The following OLFM3 variants were observed in gnomAD, a reference collection of about 807,000 sequenced individuals.
OLFM3 encodes noelin-3.
In OLFM3, 20 loss-of-function variants were observed where a neutral mutation model predicts 48.6. The observed-to-expected ratio is 0.41, with a 90% confidence interval of 0.29 to 0.60. OLFM3 has a LOEUF of 0.60. OLFM3 is among the 20% of genes least tolerant of loss of function. The probability of loss-of-function intolerance (pLI) is 0.28; values close to 1 mark genes in which losing one functional copy is unlikely to be tolerated. For missense variants in OLFM3, 437 were observed against 544.3 expected (o/e 0.80, Z 1.96); for synonymous variants, 222 against 198.1 (o/e 1.12, Z -1.01).
At chr1:101,864,673 C>A (rs1339766903) in intron 1 of OLFM3, among the ~76,000 whole-genome samples, 1 of 151,976 alleles carries the variant, frequency 6.6e-6, no homozygotes, top group Non-Finnish European at 1.5e-5. Context: ...TTATTAGCAC[C>A]ATGATCAGGA....
intron 1 of OLFM3, among the ~76,000 whole-genome samples, chr1:101,875,880 G>A (rs1467728434): frequency 2.6e-5 from 4 of 152,022 alleles, no homozygotes; most frequent in Admixed American, 2.6e-4. Flanking sequence ...ATGTCACAAA[G>A]TAGATTTCAG....
At chr1:101,919,332 A>AT (rs1276876144) in intron 1 of OLFM3, among the ~76,000 whole-genome samples, 4 of 151,760 alleles carry the variant, frequency 2.6e-5, no homozygotes, top group African/African-American at 4.8e-5. Context: ...TCTATTTCCA[A>AT]TTTTTTTTCT....
chr1:101,897,893 A>G (rs1658258289), intron 1 of OLFM3, among the ~76,000 whole-genome samples: 1 of 152,210 alleles, frequency 6.6e-6, no homozygotes, highest in South Asian at 2.1e-4. Context: ...ATCACAAACA[A>G]AAACACTTCC....
chr1:101,924,837 T>C (rs1659217180), intron 1 of OLFM3, among the ~76,000 whole-genome samples: 1 of 152,198 alleles, frequency 6.6e-6, no homozygotes, highest in African/African-American at 2.4e-5. Context: ...TGAATGTTTA[T>C]TTAGTTCTTG....
intron 4 of OLFM3, among the ~76,000 whole-genome samples, chr1:101,816,199 T>C (rs1284916628): frequency 6.6e-6 from 1 of 152,046 alleles, no homozygotes; most frequent in South Asian, 2.1e-4. Flanking sequence ...TGAATCGAAG[T>C]TGGTTTGAAA....
At chr1:101,947,481 C>T (rs1483330520) in intron 1 of OLFM3, among the ~76,000 whole-genome samples, 2 of 152,052 alleles carry the variant, frequency 1.3e-5, no homozygotes, top group Admixed American at 6.5e-5. Context: ...AAAATTGTTT[C>T]TAGTTTACCA....
chr1:101,937,693 C>G (rs1304121539), intron 1 of OLFM3, among the ~76,000 whole-genome samples: 1 of 152,184 alleles, frequency 6.6e-6, no homozygotes. Flanking sequence ...CTCCCAGTCT[C>G]AGGTATGCTT....
chr1:101,964,345 T>C (rs1407519175), intron 1 of OLFM3, among the ~76,000 whole-genome samples: 1 of 152,188 alleles, frequency 6.6e-6, no homozygotes, highest in African/African-American at 2.4e-5. Flanking sequence ...GGGTTTTATA[T>C]ACCACAACAA....
chr1:101,945,556 A>AT lies in OLFM3; in HGVS notation c.69+51191dup, dbSNP rs763754977. 1.2e-3 allele frequency among the ~76,000 whole-genome samples: 186 copies of AT among 151,220 alleles called. 1 individual carries two copies. Among genetic ancestry groups the AT allele is most frequent in the African/African-American group, 4.2e-3 (173 of 41,276 alleles). On this transcript the variant is annotated intron_variant, in intron 1 of 5. Transcript: ENST00000370103. Reference sequence around the variant, plus strand: ...AAAGGGAAAATTGGAGTGGTGATAGATTTTTTTTTTATATTGGTGATAGTT... The same window carrying AT: ...AAAGGGAAAATTGGAGTGGTGATAGATTTTTTTTTTTATATTGGTGATAGTT...
At chr1:101,805,084 G>C (rs1327596) in intron 5 of OLFM3, among the ~76,000 whole-genome samples, 169 bp from the exon 6 acceptor site, 54,273 of 151,588 alleles carry the variant, frequency 0.36, 10,259 homozygotes, top group East Asian at 0.62. Flanking sequence ...TAAAAATATT[G>C]CTATGGTCTG....
chr1:101,820,394 T>A (rs1654552811), intron 4 of OLFM3, among the ~76,000 whole-genome samples: 1 of 152,116 alleles, frequency 6.6e-6, no homozygotes, highest in African/African-American at 2.4e-5. Flanking sequence ...CTTAGGGGTG[T>A]GTACAAACTT....
chr1:101,832,022 T>A (rs574177789), intron 2 of OLFM3, among the ~76,000 whole-genome samples: 43 of 151,938 alleles, frequency 2.8e-4, no homozygotes, highest in African/African-American at 1.0e-3. Flanking sequence ...CCTGTCTCAG[T>A]CTCCTGAGTA....
intron 4 of OLFM3, among the ~76,000 whole-genome samples, chr1:101,806,594 G>T (rs963430171): frequency 6.6e-6 from 1 of 151,614 alleles, no homozygotes; most frequent in Non-Finnish European, 1.5e-5. Flanking sequence ...TGTGACTATG[G>T]ATAACTTATA....
intron 1 of OLFM3, among the ~76,000 whole-genome samples, chr1:101,863,084 C>T (rs1349305968): frequency 6.6e-6 from 1 of 151,928 alleles, no homozygotes; most frequent in Non-Finnish European, 1.5e-5. Context: ...TATCAGCCTC[C>T]CAAGTAGCTG....
intron 4 of OLFM3, among the ~76,000 whole-genome samples, chr1:101,819,257 G>T (rs149276098): frequency 1.3e-5 from 2 of 152,176 alleles, no homozygotes; most frequent in South Asian, 2.1e-4. Flanking sequence ...AATGGTTAAA[G>T]CTTAGAGTAA....
chr1:101,839,385 G>A lies in OLFM3; in HGVS notation c.70-2360C>T, dbSNP rs1296842902. The stretch of plus-strand genomic sequence containing the variant: ...GCAGACTACCCACAGAATGGAAATA[G>A]AAACAGCTTACCAGAGTAATTTCAA... On this transcript the variant is annotated intron_variant, in intron 1 of 5. Transcript: ENST00000370103. Among the ~76,000 whole-genome samples, 6 of 152,262 alleles carry A rather than the reference G, an allele frequency of 3.9e-5. No individual in the cohort carries two copies. In the South Asian group the frequency reaches 8.3e-4, roughly 21 times the overall value.
In OLFM3 at chr1:101,879,377, A is replaced by G. The variant is rs563452886; in HGVS notation, c.70-42352T>C. Among the ~76,000 whole-genome samples, 7 of 151,988 alleles carry G rather than the reference A, an allele frequency of 4.6e-5. No individual in the cohort carries two copies. The South Asian group carries it at 1.5e-3, about 31-fold the overall frequency. ...TCACATAAATGAGAAATTATTCCTT[A>G]CAATAATAATTTTCTCTCAATTCAA... On this transcript the variant is annotated intron_variant, in intron 1 of 5. Coordinates refer to ENST00000370103, the MANE Select transcript of OLFM3 (RefSeq NM_058170.4).
intron 1 of OLFM3, among the ~76,000 whole-genome samples, chr1:101,918,990 G>A (rs912443674): frequency 1.3e-5 from 2 of 152,074 alleles, no homozygotes; most frequent in African/African-American, 4.8e-5. Flanking sequence ...TATTGATAAT[G>A]CATAGATTAA....
intron 1 of OLFM3, among the ~76,000 whole-genome samples, chr1:101,853,101 T>G (rs1342482140): frequency 6.6e-6 from 1 of 152,090 alleles, no homozygotes; most frequent in Non-Finnish European, 1.5e-5. Flanking sequence ...ATCTTTCTCA[T>G]GGTGAAGGTC....
Sources: allele counts gnomAD v4.1 joint callset (sites outside exome capture counted in the v4.1 genomes callset), GRCh38; gene constraint gnomAD v4.1.1; transcripts MANE v1.5; gene names NCBI Gene and HGNC (gene_info 2026-07-23, HGNC 2026-07-21).